MTUS2: variants seen among roughly 807,000 people sequenced by gnomAD.
MTUS2 encodes microtubule associated scaffold protein 2.
In MTUS2, 40 loss-of-function variants were observed where a neutral mutation model predicts 114.1. The observed-to-expected ratio is 0.35, with a 90% CI of 0.27 to 0.46. The LOEUF is 0.46. MTUS2 is among the 20% of genes least tolerant of loss of function. The probability of loss-of-function intolerance (pLI) is 1.00; values close to 1 mark genes in which losing one functional copy is unlikely to be tolerated. For synonymous variants in MTUS2, 688 were observed against 672.0 expected, an observed-to-expected ratio of 1.02 and a Z score of -0.37; for missense variants, 1,679 against 1,705.4, an observed-to-expected ratio of 0.98 and a Z score of 0.27.
intron 5 of MTUS2, among the ~76,000 whole-genome samples, chr13:29,251,430 C>CA (rs1167924849): frequency 1.3e-5 from 2 of 152,132 alleles, no homozygotes; most frequent in African/African-American, 4.8e-5. Context: ...TCAAAAACCT[C>CA]AATTACTTTC....
At chr13:29,376,039 A>ATATATG (rs1649111875) in intron 8 of MTUS2, among the ~76,000 whole-genome samples, 1 of 126,504 alleles carries the variant, frequency 7.9e-6, no homozygotes, top group Admixed American at 8.1e-5. Context: ...ATATATATAT[A>ATATATG]TGTGTGTGTG....
At chr13:29,377,725 A>C (rs1443972320) in intron 8 of MTUS2, among the ~76,000 whole-genome samples, 1 of 152,214 alleles carries the variant, frequency 6.6e-6, no homozygotes, top group Non-Finnish European at 1.5e-5. Context: ...ACAGGAAAGC[A>C]AAACAAACCC....
chr13:29,341,144 C>A (rs1053185205), intron 7 of MTUS2, among the ~76,000 whole-genome samples: 4 of 152,240 alleles, frequency 2.6e-5, no homozygotes, highest in African/African-American at 7.2e-5. Flanking sequence ...AAAATGAATT[C>A]TTTTCCTCTG....
intron 1 of MTUS2, among the ~76,000 whole-genome samples, chr13:28,835,604 A>G (rs1875025313): frequency 6.6e-6 from 1 of 152,194 alleles, no homozygotes; most frequent in Admixed American, 6.5e-5. Context: ...TGCGAATGTG[A>G]TAAAAACCAT....
At position 29,376,019 on chromosome 13, in the gene MTUS2, ATGTGTGTG is replaced by A. The variant is rs368758751; in HGVS notation, c.3117+16548_3117+16555del. 2.7e-3 allele frequency among the ~76,000 whole-genome samples: 274 copies of A among 99,678 alleles called. 1 individual carries two copies. Among genetic ancestry groups the A allele is most frequent in the African/African-American group, 7.1e-3 (251 of 35,234 alleles). The allele number at this position is 99,678 out of a possible 152,430, so 65.4% of individuals were successfully genotyped here. A position where few individuals can be genotyped will look rare whatever the true frequency, so the allele number is the denominator to read the frequency against. ...CATATATGTGTGTGTGTGTGTATGTATGTGTGTGTATATATATATATGTGTGTGTGTGT... is the reference window on the plus strand; with the variant it reads ...CATATATGTGTGTGTGTGTGTATGTATATATATATATATGTGTGTGTGTGT... On this transcript the variant is annotated intron_variant, in intron 8 of 15. Transcript: ENST00000612955.
At chr13:29,115,772 C>G (rs577531470) in intron 5 of MTUS2, among the ~76,000 whole-genome samples, 1 of 152,132 alleles carries the variant, frequency 6.6e-6, no homozygotes, top group Non-Finnish European at 1.5e-5. Flanking sequence ...GCTGGGTGGC[C>G]GTAGGCAAGC....
intron 2 of MTUS2, among the ~76,000 whole-genome samples, chr13:28,999,563 G>A (rs1037679239): frequency 2.0e-5 from 3 of 152,284 alleles, no homozygotes; most frequent in African/African-American, 7.2e-5. Flanking sequence ...GCATAATTGT[G>A]TAATGATCAA....
intron 8 of MTUS2, among the ~76,000 whole-genome samples, chr13:29,392,763 G>A (rs1047566814): frequency 2.6e-5 from 4 of 151,148 alleles, no homozygotes; most frequent in Admixed American, 2.6e-4. Context: ...AAAATGTCCA[G>A]TTTCAACCTG....
chr13:29,014,881 T>C (rs1886000225), intron 2 of MTUS2, among the ~76,000 whole-genome samples: 1 of 152,244 alleles, frequency 6.6e-6, no homozygotes, highest in Non-Finnish European at 1.5e-5. Flanking sequence ...AAGAGCAAAG[T>C]CCGGGAGCAT....
chr13:29,065,356 T>C (rs536486119), intron 4 of MTUS2, among the ~76,000 whole-genome samples: 2 of 152,324 alleles, frequency 1.3e-5, no homozygotes, highest in South Asian at 4.1e-4. Context: ...ATTGTGGTTT[T>C]GATTTGCATT....
intron 2 of MTUS2, among the ~76,000 whole-genome samples, chr13:28,969,417 A>G (rs956865024): frequency 2.6e-5 from 4 of 152,194 alleles, no homozygotes; most frequent in Non-Finnish European, 5.9e-5. Flanking sequence ...AACGTTCAGT[A>G]TCTTCCTTCT....
chr13:29,483,009 G>A (rs61946435), intron 10 of MTUS2, among the ~76,000 whole-genome samples: 12,589 of 152,284 alleles, frequency 0.083, 707 homozygotes, highest in Non-Finnish European at 0.12. Context: ...TAGTGGGAGA[G>A]GAGACTCAAG....
intron 7 of MTUS2, among the ~76,000 whole-genome samples, chr13:29,339,203 C>T (rs972784619): frequency 4.6e-5 from 7 of 152,130 alleles, no homozygotes; most frequent in Non-Finnish European, 7.4e-5. Flanking sequence ...TTCAACTGGG[C>T]TGTGGCCGGC....
chr13:29,410,589 G>GT (rs1229347932), intron 8 of MTUS2, among the ~76,000 whole-genome samples: 1 of 151,922 alleles, frequency 6.6e-6, no homozygotes, highest in African/African-American at 2.4e-5. Flanking sequence ...TTTGATCCTT[G>GT]GTTTTGTCAT....
chr13:28,919,171 C>T (rs1224703453), intron 2 of MTUS2, among the ~76,000 whole-genome samples: 1 of 152,010 alleles, frequency 6.6e-6, no homozygotes, highest in South Asian at 2.1e-4. Context: ...GAATTTCATA[C>T]CTTCAGATGA....
chr13:29,334,199 G>A (rs568700838), intron 7 of MTUS2, among the ~76,000 whole-genome samples: 70 of 152,068 alleles, frequency 4.6e-4, no homozygotes, highest in Middle Eastern at 6.8e-3. Flanking sequence ...CATTTAGCCC[G>A]TTTACATTTA....
At chr13:28,857,809 C>G (rs1876730633) in intron 2 of MTUS2, among the ~76,000 whole-genome samples, 1 of 152,176 alleles carries the variant, frequency 6.6e-6, no homozygotes, top group Admixed American at 6.5e-5. Context: ...TACGGGTTCA[C>G]TTCGGTATTT....
In MTUS2 at chr13:28,963,542, T is replaced by G. The variant is rs1239349152; in HGVS notation, c.-242-60915T>G. ...GTATATGCACATGCATGCCTATATA[T>G]AGTGTATCTCTGTGTATGTGTATGA... On this transcript the variant is annotated intron_variant, in intron 2 of 15. Coordinates refer to ENST00000612955, the MANE Select transcript of MTUS2 (RefSeq NM_001033602.4). 2.6e-5 allele frequency among the ~76,000 whole-genome samples: 4 copies of G among 152,322 alleles called. No homozygotes were observed. In the South Asian group the frequency reaches 8.3e-4, roughly 32 times the overall value.
intron 5 of MTUS2, among the ~76,000 whole-genome samples, chr13:29,277,411 T>A (rs116245389): frequency 6.6e-4 from 100 of 152,340 alleles, no homozygotes; most frequent in African/African-American, 2.3e-3. Flanking sequence ...CTGGAACTTA[T>A]ATGCAAAAGT....
Sources: gnomAD v4.1 joint callset for allele counts (sites outside exome capture counted in the v4.1 genomes callset) on GRCh38, gnomAD v4.1.1 for gene constraint, MANE v1.5 for transcripts, NCBI Gene and HGNC (gene_info 2026-07-23, HGNC 2026-07-21) for gene names.